MAF: variants seen among roughly 807,000 people sequenced by gnomAD.
MAF encodes transcription factor Maf.
MAF carries 10 observed loss-of-function variants against 22.0 expected under a neutral mutation model. That is an observed-to-expected ratio of 0.45 (90% confidence interval 0.28 to 0.77). The LOEUF (loss-of-function observed/expected upper bound fraction) is 0.77. Among genes scored for constraint, MAF ranks in the 30% least tolerant of loss-of-function variants. The probability of loss-of-function intolerance (pLI) is 0.12; values close to 1 mark genes in which losing one functional copy is unlikely to be tolerated. For synonymous variants in MAF, 337 were observed against 255.8 expected, an observed-to-expected ratio of 1.32 and a Z score of -3.03; for missense variants, 544 against 548.4, an observed-to-expected ratio of 0.99 and a Z score of 0.08.
At position 79,600,204 on chromosome 16, in the gene MAF, C is replaced by T. The variant is rs1300186796; in HGVS notation, c.-302G>A. On this transcript the variant is annotated 5_prime_UTR_variant, in exon 1 of 2. Coordinates refer to ENST00000326043, the MANE Select transcript of MAF (RefSeq NM_005360.5). ...CGCGCCGAGCCGGCGGCTTCAGGCT[C>T]GGGAAGATCCTCCGCGAGCTGCGGT... The T allele has an allele frequency of 3.1e-6, 1 of 326,314 alleles. No individual in the cohort carries two copies. The allele number at this position is 326,314 out of a possible 1,614,324, so 20.2% of individuals were successfully genotyped here. A position where few individuals can be genotyped will look rare whatever the true frequency, so the allele number is the denominator to read the frequency against.
chr16:79,240,307 C>T, the MAF span, among the ~76,000 whole-genome samples: 3,386 of 151,178 alleles, frequency 0.022, 65 homozygotes, highest in Middle Eastern at 0.075. Flanking sequence ...TCAAAATGTG[C>T]CCGATTGCCC....
chr16:79,445,567 C>T, the MAF span, among the ~76,000 whole-genome samples: 2 of 152,166 alleles, frequency 1.3e-5, no homozygotes, highest in Non-Finnish European at 1.5e-5. Context: ...AGCTCAGGTG[C>T]CCCTTGTCCA....
At chr16:79,434,167 T>C in the MAF span, among the ~76,000 whole-genome samples, 1 of 152,196 alleles carries the variant, frequency 6.6e-6, no homozygotes, top group South Asian at 2.1e-4. Flanking sequence ...TGAGGTGACT[T>C]TCTCAACATC....
the MAF span, chr16:79,211,827 C>G: frequency 2.5e-6 from 4 of 1,613,214 alleles, no homozygotes; most frequent in South Asian, 3.3e-5. Flanking sequence ...GCACACACAC[C>G]CGCCCTGTGT....
chr16:79,418,180 C>G, the MAF span, among the ~76,000 whole-genome samples: 2 of 152,280 alleles, frequency 1.3e-5, no homozygotes, highest in Middle Eastern at 6.8e-3. Flanking sequence ...AACACAGGCT[C>G]CAGCGCGGCT....
chr16:79,242,953 G>A, the MAF span, among the ~76,000 whole-genome samples: 1 of 151,978 alleles, frequency 6.6e-6, no homozygotes, highest in Non-Finnish European at 1.5e-5. Flanking sequence ...AATGACTGCT[G>A]GGTAAATAAC....
At chr16:79,579,273 A>G in the MAF span, among the ~76,000 whole-genome samples, 1 of 152,218 alleles carries the variant, frequency 6.6e-6, no homozygotes, top group Admixed American at 6.5e-5. Flanking sequence ...AAATGTGCTT[A>G]TATCCCATCA....
At chr16:79,236,850 A>G in the MAF span, among the ~76,000 whole-genome samples, 4 of 151,862 alleles carry the variant, frequency 2.6e-5, no homozygotes, top group East Asian at 5.8e-4. Context: ...CAACCTATAC[A>G]AGGTTTACAG....
At chr16:79,370,203 G>A in the MAF span, among the ~76,000 whole-genome samples, 2 of 152,112 alleles carry the variant, frequency 1.3e-5, no homozygotes, top group African/African-American at 4.8e-5. Context: ...TTTTTCTCAG[G>A]GTTAGGAACA....
chr16:79,209,622 GA>G, the MAF span, among the ~76,000 whole-genome samples: 18 of 152,172 alleles, frequency 1.2e-4, no homozygotes, highest in African/African-American at 4.1e-4. Context: ...AAGGTAAAAT[GA>G]AAATATATGA....
the MAF span, among the ~76,000 whole-genome samples, chr16:79,555,795 T>C: frequency 1.3e-5 from 2 of 152,214 alleles, no homozygotes; most frequent in Admixed American, 6.5e-5. Flanking sequence ...ATAAGGGATA[T>C]GAACCCATTA....
the MAF span, among the ~76,000 whole-genome samples, chr16:79,463,498 C>T: frequency 1.2e-4 from 19 of 152,216 alleles, no homozygotes; most frequent in African/African-American, 4.6e-4. Context: ...CTATAGATGA[C>T]AACAATATAA....
chr16:79,267,907 C>T, the MAF span, among the ~76,000 whole-genome samples: 1 of 152,018 alleles, frequency 6.6e-6, no homozygotes, highest in African/African-American at 2.4e-5. Context: ...AATACTCCAC[C>T]TGGCCCGTTC....
chr16:79,363,958 G>A, the MAF span, among the ~76,000 whole-genome samples: 1 of 152,164 alleles, frequency 6.6e-6, no homozygotes, highest in South Asian at 2.1e-4. Flanking sequence ...GCCTGACTGG[G>A]ACCTCTTCTG....
chr16:79,246,791 A>C, the MAF span, among the ~76,000 whole-genome samples: 41 of 152,182 alleles, frequency 2.7e-4, no homozygotes, highest in Non-Finnish European at 5.6e-4. Context: ...TCCAAGAGTG[A>C]GGTCACTCCA....
At chr16:79,268,999 T>G in the MAF span, among the ~76,000 whole-genome samples, 1 of 152,238 alleles carries the variant, frequency 6.6e-6, no homozygotes, top group Non-Finnish European at 1.5e-5. Context: ...TGTGGCTTGC[T>G]CATAGTAGGT....
the MAF span, among the ~76,000 whole-genome samples, chr16:79,227,500 A>G: frequency 6.6e-6 from 1 of 151,996 alleles, no homozygotes; most frequent in African/African-American, 2.4e-5. Flanking sequence ...ACATTCTGCC[A>G]TGGTCGAGTA....
At chr16:79,301,366 T>G in the MAF span, among the ~76,000 whole-genome samples, 1 of 152,070 alleles carries the variant, frequency 6.6e-6, no homozygotes, top group South Asian at 2.1e-4. Flanking sequence ...CCTCCATGCA[T>G]GAACCGGAAG....
chr16:79,422,582 G>C, the MAF span, among the ~76,000 whole-genome samples: 1 of 152,128 alleles, frequency 6.6e-6, no homozygotes, highest in East Asian at 1.9e-4. Context: ...GGGTTTAGCA[G>C]AGAGTAAGCA....
Sources: allele counts gnomAD v4.1 joint callset (sites outside exome capture counted in the v4.1 genomes callset), GRCh38; gene constraint gnomAD v4.1.1; transcripts MANE v1.5; gene names NCBI Gene and HGNC (gene_info 2026-07-23, HGNC 2026-07-21).